The following TACC2 variants were observed in gnomAD, a reference collection of about 807,000 sequenced individuals.
TACC2 encodes transforming acidic coiled-coil-containing protein 2.
Under a neutral mutation model 227.3 loss-of-function variants are expected in TACC2, and 137 were observed. That is an observed-to-expected ratio of 0.60 (90% CI 0.52 to 0.69). The LOEUF is 0.69. TACC2 is among the 30% of genes least tolerant of loss of function. The pLI, the probability that TACC2 is intolerant of heterozygous loss-of-function variation, is 0.00. For missense variants in TACC2, 3,470 were observed against 3,694.4 expected (o/e 0.94, Z 1.57); for synonymous variants, 1,523 against 1,487.5 (o/e 1.02, Z -0.55).
chr10:121,992,119 A>G (rs991349426), intron 1 of TACC2, among the ~76,000 whole-genome samples: 7 of 152,142 alleles, frequency 4.6e-5, no homozygotes, highest in African/African-American at 1.4e-4. Flanking sequence ...CTGCATCACC[A>G]TTTCACCCAC....
In TACC2 at chr10:122,085,705, G is replaced by A. The variant is rs377162544; in HGVS notation, c.3205G>A (p.Gly1069Arg). 16 of 1,613,764 alleles carry A rather than the reference G, an allele frequency of 9.9e-6. 1 individual carries two copies. The highest frequency in any genetic ancestry group is 8.0e-5 in the African/African-American group (6 of 75,036). The change falls in exon 4 of 23, where the codon GGA becomes AGA. Residue 1069 changes from glycine to arginine, a missense_variant. Physicochemically the swap from Gly to Arg is moderately radical, Grantham distance 125. Coordinates refer to ENST00000369005, the MANE Select transcript of TACC2 (RefSeq NM_206862.4). ...GCCAGCCCTGGCGCCCGCCAGCCCCGGAGTCACACCCACCCAGGATGCCCC... is the reference window on the plus strand; with the variant it reads ...GCCAGCCCTGGCGCCCGCCAGCCCCAGAGTCACACCCACCCAGGATGCCCC... ...CLPALAPASP[G>R]VTPTQDAPET... is the part of the protein sequence containing the mutation.
intron 3 of TACC2, among the ~76,000 whole-genome samples, chr10:122,075,801 TC>T (rs934623308): frequency 7.2e-5 from 11 of 152,158 alleles, no homozygotes; most frequent in African/African-American, 2.4e-4. Context: ...ATAATTGATT[TC>T]TTTTTTTTAT....
intron 5 of TACC2, among the ~76,000 whole-genome samples, chr10:122,106,130 G>A (rs1342488015): frequency 6.6e-6 from 1 of 151,516 alleles, no homozygotes; most frequent in African/African-American, 2.4e-5. Context: ...TGGGTTTACA[G>A]GCGTCCACCA....
At chr10:122,197,391 C>T (rs891378981) in intron 8 of TACC2, among the ~76,000 whole-genome samples, 15 of 152,228 alleles carry the variant, frequency 9.9e-5, no homozygotes, top group Admixed American at 3.3e-4. Context: ...ATTCCCAGTC[C>T]GACATCCTGC....
chr10:122,219,990 A>G (rs543720936), intron 11 of TACC2, among the ~76,000 whole-genome samples: 1 of 151,600 alleles, frequency 6.6e-6, no homozygotes, highest in Admixed American at 6.6e-5. Context: ...ATGAGCCAAG[A>G]TCATGCCCCT....
In TACC2 at chr10:122,210,847, C is replaced by T. The variant is rs1210204744; in HGVS notation, c.6422C>T (p.Thr2141Ile). The T allele has an allele frequency of 3.1e-6, 5 of 1,612,648 alleles. No individual in the cohort carries two copies. The highest frequency in any genetic ancestry group is 3.4e-6 in the Non-Finnish European group (4 of 1,179,722). ...CCTTCCTTAAAAAAGAAACAGACCA[C>T]CAAGAAACCCACAGAGACCCCCCCA... ...RPPSLKKKQTTKKPTETPPVK... is the reference protein window; with the variant it reads ...RPPSLKKKQTIKKPTETPPVK... The change falls in exon 9 of 23, where the codon ACC (threonine) becomes ATC (isoleucine). Residue 2141 changes from threonine (T) to isoleucine (I), a missense_variant. Around this residue, in one of 10 missense-constraint regions of TACC2, gnomAD observed 593 missense variants for 636.6 expected, o/e 0.93. Coordinates refer to ENST00000369005, the MANE Select transcript of TACC2 (RefSeq NM_206862.4). This position sits in a 1 kb window ranked among gnomAD's most constrained non-coding sequence, Gnocchi z 4.6.
chr10:121,995,632 C>G (rs1255361250), intron 1 of TACC2, among the ~76,000 whole-genome samples: 1 of 152,156 alleles, frequency 6.6e-6, no homozygotes, highest in Non-Finnish European at 1.5e-5. Flanking sequence ...GCTGTACAGG[C>G]TTGGCACTAG....
intron 5 of TACC2, among the ~76,000 whole-genome samples, chr10:122,124,819 T>A (rs1257558470): frequency 6.6e-6 from 1 of 152,254 alleles, no homozygotes; most frequent in Non-Finnish European, 1.5e-5. Flanking sequence ...ACATGTGCTG[T>A]GACGTTCATC....
Position 122,185,353 on chromosome 10 carries a change from G to A in TACC2, c.5835-9687G>A, listed in dbSNP as rs1593066901. Among the ~76,000 whole-genome samples the A allele has an allele frequency of 3.9e-5, 6 of 152,006 alleles. No individual in the cohort carries two copies. The East Asian group carries it at 7.8e-4, about 20-fold the overall frequency. ...TGGGATTACAGGCACATGCCACCAT[G>A]CCCAGCTACTTTTTGTATTTTTAGT... is the stretch of plus-strand genomic sequence containing the variant. On this transcript the variant is annotated intron_variant, in intron 7 of 22. Coordinates refer to ENST00000369005, the MANE Select transcript of TACC2 (RefSeq NM_206862.4).
chr10:122,203,361 A>G (rs375979985), intron 8 of TACC2, among the ~76,000 whole-genome samples: 464 of 118,526 alleles, frequency 3.9e-3, no homozygotes, highest in African/African-American at 0.016. Flanking sequence ...CTGGCCGGGC[A>G]GGGGGCTGAC....
chr10:122,095,019 T>G (rs2081228839), intron 5 of TACC2, among the ~76,000 whole-genome samples: 1 of 152,190 alleles, frequency 6.6e-6, no homozygotes, highest in African/African-American at 2.4e-5. Context: ...GGCATTCTTA[T>G]TGAGCTCCCC....
At chr10:122,215,559 C>A (rs2095386506) in intron 10 of TACC2, 108 bp downstream of exon 10, 3 of 938,136 alleles carry the variant, frequency 3.2e-6, no homozygotes, top group Admixed American at 3.5e-5. Flanking sequence ...GTTTCCAAGA[C>A]CCTCTTCTTG....
rs960101589 is a variant in TACC2, at chr10:122,061,023, G to A, written c.146+10473G>A. 1.9e-3 allele frequency among the ~76,000 whole-genome samples: 31 copies of A among 16,454 alleles called. 1 individual carries two copies. Among genetic ancestry groups the A allele is most frequent in the African/African-American group, 3.1e-3 (28 of 8,976 alleles). The allele number at this position is 16,454 out of a possible 152,430, so 10.8% of individuals were successfully genotyped here. A position where few individuals can be genotyped will look rare whatever the true frequency, so the allele number is the denominator to read the frequency against. ...CTCAAAAAAAAAAAAAAAAAAAGGG[G>A]GGGGGGCCAGGCACGGTGGCTCACA... On this transcript the variant is annotated intron_variant, in intron 3 of 22. Transcript: ENST00000369005.
At chr10:122,077,770 C>T (rs2078981561) in intron 3 of TACC2, among the ~76,000 whole-genome samples, 2 of 152,210 alleles carry the variant, frequency 1.3e-5, no homozygotes, top group African/African-American at 2.4e-5. Flanking sequence ...CCACAGGGCT[C>T]AATCTTGCTT....
chr10:122,087,401 C>T lies in TACC2; in HGVS notation c.4901C>T (p.Pro1634Leu), dbSNP rs768793077. 2 of 1,613,938 alleles carry T rather than the reference C, an allele frequency of 1.2e-6. No individual in the cohort carries two copies. Among genetic ancestry groups the T allele is most frequent in the East Asian group, 2.2e-5 (1 of 44,894 alleles). The change falls in exon 4 of 23, where the codon CCT becomes CTT. Residue 1634 changes from proline (P) to leucine (L), a missense_variant. Transcript: ENST00000369005. ...PGHVPRSTCAPSPQREVLTVP... is the reference protein window; with the variant it reads ...PGHVPRSTCALSPQREVLTVP... ...CATGTGCCAAGGTCCACGTGTGCCCCTTCTCCTCAGAGGGAGGTTTTGACT... is the reference window on the plus strand; with the variant it reads ...CATGTGCCAAGGTCCACGTGTGCCCTTTCTCCTCAGAGGGAGGTTTTGACT...
In TACC2 at chr10:122,082,843, G is replaced by A. The variant is rs373788566; in HGVS notation, c.343G>A (p.Glu115Lys). 11 of 1,613,606 alleles carry A rather than the reference G, an allele frequency of 6.8e-6. No individual in the cohort carries two copies. The highest frequency in any genetic ancestry group is 6.7e-5 in the East Asian group (3 of 44,848). ...CCCCTCGTCCTCCATGCCCTTTGCC[G>A]AGTGTCCCCCGGAAGGTTGCTTGGC... is the stretch of plus-strand genomic sequence containing the variant. ...EHPSSSMPFA[E>K]CPPEGCLASP... Residue 115 changes from glutamate (E) to lysine (K), a missense_variant, in exon 4 of 23, where the codon GAG (glutamate) becomes AAG (lysine). Physicochemically the swap from Glu to Lys is moderately conservative, Grantham distance 56. Transcript: ENST00000369005.
At chr10:122,071,759 C>T (rs1282776790) in intron 3 of TACC2, among the ~76,000 whole-genome samples, 2 of 146,872 alleles carry the variant, frequency 1.4e-5, no homozygotes, top group African/African-American at 2.5e-5. Context: ...TGGTGACGGG[C>T]ACCTGTAATC....
chr10:122,100,250 C>T (rs1346191677), intron 5 of TACC2, among the ~76,000 whole-genome samples: 5 of 147,452 alleles, frequency 3.4e-5, no homozygotes, highest in South Asian at 2.2e-4. Context: ...GGCAACAGAG[C>T]GAGACTCTGT....
chr10:122,217,357 T>A (rs1301515496), intron 11 of TACC2, among the ~76,000 whole-genome samples: 1 of 151,714 alleles, frequency 6.6e-6, no homozygotes, highest in East Asian at 1.9e-4. Context: ...AGAAATGGGC[T>A]CCGGACAACT....
Sources: gnomAD v4.1 joint callset for allele counts (sites outside exome capture counted in the v4.1 genomes callset) on GRCh38, gnomAD v4.1.1 for gene constraint, gnomAD v4.1.1 regional missense constraint, Gnocchi (gnomAD v3.1) non-coding constraint, MANE v1.5 for transcripts, NCBI Gene and HGNC (gene_info 2026-07-23, HGNC 2026-07-21) for gene names.